NOC3L: variants seen among roughly 807,000 people sequenced by gnomAD.
The protein encoded by NOC3L is nucleolar complex protein 3 homolog.
Under a neutral mutation model 102.5 loss-of-function variants are expected in NOC3L, and 85 were observed. That is an observed-to-expected ratio of 0.83 (90% CI 0.70 to 0.99). NOC3L has a LOEUF of 0.99. Ranked by LOEUF, NOC3L falls within the 50% of genes least tolerant of loss-of-function variation. NOC3L has a pLI of 0.00. For synonymous variants in NOC3L, 303 were observed against 309.4 expected (o/e 0.98, Z 0.22); for missense variants, 878 against 914.9 (o/e 0.96, Z 0.52).
chr10:94,335,542 C>T (rs1247328503), intron 19 of NOC3L, among the ~76,000 whole-genome samples: 2 of 152,092 alleles, frequency 1.3e-5, no homozygotes, highest in Non-Finnish European at 2.9e-5. Flanking sequence ...CAAAAGTTAT[C>T]TCCATCCTAC....
Position 94,338,816 on chromosome 10 carries a change from T to A in NOC3L, c.1963-80A>T, listed in dbSNP as rs534544520. On this transcript the variant is annotated intron_variant, in intron 17 of 20. Transcript: ENST00000371361. ...GGTGTTACTGGTTTGTAGTTGTATT[T>A]GCATTTAAATTTATGGTTGTATAAG... The A allele has an allele frequency of 9.7e-6, 12 of 1,239,066 alleles. No individual in the cohort carries two copies. In the South Asian group the frequency reaches 2.2e-4, roughly 23 times the overall value. The allele number at this position is 1,239,066 out of a possible 1,614,324, so 76.8% of individuals were successfully genotyped here. A position where few individuals can be genotyped will look rare whatever the true frequency, so the allele number is the denominator to read the frequency against.
Position 94,334,683 on chromosome 10 carries a change from G to A in NOC3L, c.2225C>T (p.Ala742Val), listed in dbSNP as rs2054197176. 1 of 1,613,074 alleles carries A rather than the reference G, an allele frequency of 6.2e-7. No individual in the cohort carries two copies. Among genetic ancestry groups the A allele is most frequent in the Non-Finnish European group, 8.5e-7 (1 of 1,179,686 alleles). ...ATELFEAYSM[A>V]EMTFNPPVES... is the part of the protein sequence containing the mutation. ...AACAGGAGGATTGAATGTCATTTCT[G>A]CCATGCTATATGCCTCAAAAAGTTC... The change falls in exon 20 of 21, where the codon GCA becomes GTA. Residue 742 changes from alanine to valine, a missense_variant. By Grantham distance (64) the Ala-to-Val change is moderately conservative. Transcript: ENST00000371361.
intron 2 of NOC3L, 36 bp from the exon 3 acceptor site, chr10:94,358,251 G>A: frequency 2.7e-6 from 3 of 1,114,388 alleles, no homozygotes; most frequent in Non-Finnish European, 4.0e-6. Context: ...AGAAAAATTA[G>A]AAACAAGTAT....
intron 7 of NOC3L, 144 bp downstream of exon 7, chr10:94,352,752 G>A: frequency 1.5e-6 from 1 of 674,098 alleles, no homozygotes; most frequent in South Asian, 1.8e-5. Context: ...AACCCGGAAG[G>A]CAGAGGTTGC....
chr10:94,324,598 T>A, the NOC3L span: 5,107 of 1,524,554 alleles, frequency 3.3e-3, 169 homozygotes, highest in African/African-American at 0.063. Flanking sequence ...GCTCTGTTCT[T>A]AAGTTATCTG....
intron 17 of NOC3L, among the ~76,000 whole-genome samples, chr10:94,339,217 C>T (rs113115639): frequency 2.0e-5 from 3 of 152,272 alleles, no homozygotes; most frequent in Admixed American, 6.5e-5. Flanking sequence ...AGTTTTCCCA[C>T]ATGTACAATA....
chr10:94,342,589 C>A (rs1396953463), intron 13 of NOC3L, among the ~76,000 whole-genome samples: 1 of 150,156 alleles, frequency 6.7e-6, no homozygotes, highest in South Asian at 2.1e-4. Flanking sequence ...CACACACGTG[C>A]GCAAGTATTC....
chr10:94,324,783 C>G, the NOC3L span: 1 of 1,174,514 alleles, frequency 8.5e-7, no homozygotes, highest in African/African-American at 1.5e-5. Flanking sequence ...CAGCCCTACT[C>G]TCTCCAAAGC....
intron 2 of NOC3L, among the ~76,000 whole-genome samples, chr10:94,358,809 A>G (rs574065148): frequency 1.3e-5 from 2 of 152,038 alleles, no homozygotes; most frequent in Admixed American, 6.5e-5. Flanking sequence ...CTTTCTATCT[A>G]CCTGTGTGTT....
At chr10:94,327,765 T>TTTA in the NOC3L span, among the ~76,000 whole-genome samples, 4 of 152,190 alleles carry the variant, frequency 2.6e-5, no homozygotes, top group Admixed American at 6.5e-5. Context: ...ATGTGAAATA[T>TTTA]TTATTTCCAA....
the NOC3L span, among the ~76,000 whole-genome samples, chr10:94,326,101 T>A: frequency 1.3e-5 from 2 of 152,226 alleles, no homozygotes; most frequent in African/African-American, 2.4e-5. Context: ...AGTTTCCTAA[T>A]GAACCTAAGG....
At chr10:94,321,771 A>G in the NOC3L span, 1 of 674,368 alleles carries the variant, frequency 1.5e-6, no homozygotes, top group Non-Finnish European at 2.6e-6. Flanking sequence ...AAATAATAAC[A>G]TAGTATATGA....
intron 20 of NOC3L, 110 bp from the exon 21 acceptor site, chr10:94,334,415 A>G (rs2133980811): frequency 1.4e-6 from 1 of 703,338 alleles, no homozygotes; most frequent in East Asian, 2.5e-5. Flanking sequence ...ATGCAACACA[A>G]TGACAGATGC....
At chr10:94,356,625 A>C in intron 4 of NOC3L, 34 bp from the exon 5 acceptor site, 1 of 1,256,000 alleles carries the variant, frequency 8.0e-7, no homozygotes, top group Non-Finnish European at 1.2e-6. Context: ...AAACTGTGAT[A>C]TATACTTAAG....
At chr10:94,361,615 C>A (rs1427418155) in intron 2 of NOC3L, 50 bp downstream of exon 2, 8 of 1,555,150 alleles carry the variant, frequency 5.1e-6, no homozygotes, top group Non-Finnish European at 7.1e-6. Flanking sequence ...ATGAAGAACA[C>A]TTCAGAATAA....
In NOC3L at chr10:94,344,274, T is replaced by C. The variant is rs2054318406; in HGVS notation, c.1571+141A>G. 9.5e-6 allele frequency: 5 copies of C among 524,012 alleles called. 1 individual carries two copies. The South Asian group carries it at 1.4e-4, about 15-fold the overall frequency. The allele number at this position is 524,012 out of a possible 1,614,324, so 32.5% of individuals were successfully genotyped here. A position where few individuals can be genotyped will look rare whatever the true frequency, so the allele number is the denominator to read the frequency against. On this transcript the variant is annotated intron_variant, in intron 13 of 20. Transcript: ENST00000371361. Reference sequence around the variant, plus strand: ...AATCAAAAAAGCCCACTGTTATGAATAGCTTCAAGTAAAGGCTGGTGACAA... The same window carrying C: ...AATCAAAAAAGCCCACTGTTATGAACAGCTTCAAGTAAAGGCTGGTGACAA...
At chr10:94,316,632 A>C in the NOC3L span, 1 of 1,609,650 alleles carries the variant, frequency 6.2e-7, no homozygotes, top group Non-Finnish European at 8.5e-7. Flanking sequence ...AAAGAAAAGA[A>C]TGAATGTAGG....
chr10:94,353,134 C>T (rs980225853), intron 6 of NOC3L, 77 bp from the exon 7 acceptor site: 20 of 1,217,808 alleles, frequency 1.6e-5, no homozygotes, highest in South Asian at 1.3e-4. Context: ...GCCCCACATC[C>T]GGCAAAACAA....
chr10:94,359,993 A>T lies in NOC3L; in HGVS notation c.217+1672T>A, dbSNP rs1465155360. Among the ~76,000 whole-genome samples, 5 of 152,220 alleles carry T rather than the reference A, an allele frequency of 3.3e-5. No homozygotes were observed. The East Asian group carries it at 7.7e-4, about 23-fold the overall frequency. On this transcript the variant is annotated intron_variant, in intron 2 of 20. Transcript: ENST00000371361. ...CCACAAGAGCCAAGATTTGGAAACA[A>T]CCTAAGTGTTCATAAACAGATGAAT...
Sources: allele counts gnomAD v4.1 joint callset (sites outside exome capture counted in the v4.1 genomes callset), GRCh38; gene constraint gnomAD v4.1.1; transcripts MANE v1.5; gene names NCBI Gene and HGNC (gene_info 2026-07-23, HGNC 2026-07-21).